Variants in PDZRN4 observed in about 807,000 individuals in gnomAD.
PDZRN4 encodes PDZ domain-containing RING finger protein 4.
A neutral mutation model predicts 99.0 loss-of-function variants in PDZRN4; 70 were observed. The observed-to-expected ratio is 0.71, with a 90% confidence interval of 0.58 to 0.86. PDZRN4 has a LOEUF of 0.86. Ranked by LOEUF, PDZRN4 falls within the 40% of genes least tolerant of loss-of-function variation. The pLI, the probability that PDZRN4 is intolerant of heterozygous loss-of-function variation, is 0.00. For synonymous variants in PDZRN4, 551 were observed against 501.6 expected (o/e 1.10, Z -1.32); for missense variants, 1,474 against 1,331.2 (o/e 1.11, Z -1.67).
At chr12:41,567,592 G>A (rs888534667) in intron 8 of PDZRN4, among the ~76,000 whole-genome samples, 191 bp from the exon 9 acceptor site, 53 of 145,140 alleles carry the variant, frequency 3.7e-4, no homozygotes, top group Admixed American at 5.9e-4. Flanking sequence ...AAGGATAAAA[G>A]GCATAAGAGT....
Position 41,506,531 on chromosome 12 carries a change from G to T in PDZRN4, c.919G>T (p.Val307Leu), listed in dbSNP as rs756042725. Reference sequence around the variant, plus strand: ...TTTTCGCAATGCCAAGGAGCCCATTGTGGTGCAGGTGTTAAGGCGAACACC... The same window carrying T: ...TTTTCGCAATGCCAAGGAGCCCATTTTGGTGCAGGTGTTAAGGCGAACACC... The part of the protein sequence containing the change: ...EAFRNAKEPI[V>L]VQVLRRTPLS... The change falls in exon 4 of 10, where the codon GTG becomes TTG. Residue 307 changes from valine to leucine, a missense_variant. By Grantham distance (32) the Val-to-Leu change is conservative. Transcript: ENST00000402685. The T allele has an allele frequency of 6.2e-7, 1 of 1,613,818 alleles. No individual in the cohort carries two copies. Among genetic ancestry groups the T allele is most frequent in the East Asian group, 2.2e-5 (1 of 44,834 alleles).
intron 3 of PDZRN4, among the ~76,000 whole-genome samples, chr12:41,427,550 A>G (rs545673951): frequency 6.6e-6 from 1 of 152,288 alleles, no homozygotes; most frequent in South Asian, 2.1e-4. Flanking sequence ...TCTAACAAGC[A>G]TCCGAATACA....
At chr12:41,203,603 T>G (rs1591966322) in intron 3 of PDZRN4, among the ~76,000 whole-genome samples, 1 of 152,142 alleles carries the variant, frequency 6.6e-6, no homozygotes, top group Middle Eastern at 3.4e-3. Flanking sequence ...TCTATGAGGT[T>G]GGTACTGTAG....
chr12:41,454,081 T>A (rs755270310), intron 3 of PDZRN4, among the ~76,000 whole-genome samples: 2 of 151,738 alleles, frequency 1.3e-5, no homozygotes, highest in African/African-American at 4.9e-5. Context: ...GCTCATTTTA[T>A]GCTCTGTGAT....
At chr12:41,196,107 T>A (rs1031408590) in intron 3 of PDZRN4, among the ~76,000 whole-genome samples, 1 of 152,118 alleles carries the variant, frequency 6.6e-6, no homozygotes, top group African/African-American at 2.4e-5. Context: ...CTACTGTTTT[T>A]TTTAAAGAGG....
intron 3 of PDZRN4, among the ~76,000 whole-genome samples, chr12:41,334,997 A>G (rs745897952): frequency 5.3e-5 from 8 of 152,120 alleles, no homozygotes; most frequent in Non-Finnish European, 7.4e-5. Flanking sequence ...TTATCCTAAC[A>G]TTTTAAAGTA....
chr12:41,475,859 T>G (rs905576199), intron 3 of PDZRN4, among the ~76,000 whole-genome samples: 2 of 152,268 alleles, frequency 1.3e-5, no homozygotes, highest in Non-Finnish European at 2.9e-5. Flanking sequence ...CTTTGTTTTC[T>G]TCTTTTGACC....
intron 3 of PDZRN4, among the ~76,000 whole-genome samples, chr12:41,268,014 G>T (rs181087197): frequency 2.6e-5 from 4 of 152,234 alleles, no homozygotes; most frequent in Admixed American, 2.0e-4. Context: ...GAACTACTCT[G>T]ATATCATTAA....
chr12:41,323,291 G>C (rs1049869616), intron 3 of PDZRN4, among the ~76,000 whole-genome samples: 1 of 152,034 alleles, frequency 6.6e-6, no homozygotes, highest in African/African-American at 2.4e-5. Context: ...ATTTGTATTG[G>C]AATGAAAGCT....
intron 3 of PDZRN4, among the ~76,000 whole-genome samples, chr12:41,447,038 G>C (rs1460269026): frequency 3.3e-5 from 5 of 152,058 alleles, no homozygotes; most frequent in Admixed American, 3.3e-4. Flanking sequence ...TGAGGATCTT[G>C]ATCTCCACAC....
chr12:41,552,585 C>A, intron 5 of PDZRN4, 71 bp from the exon 6 acceptor site: 3 of 1,150,718 alleles, frequency 2.6e-6, no homozygotes, highest in Non-Finnish European at 3.9e-6. Context: ...CAAAGAATAT[C>A]AGTGAGTTCT....
chr12:41,245,146 T>C (rs1473538376), intron 3 of PDZRN4, among the ~76,000 whole-genome samples: 1 of 152,134 alleles, frequency 6.6e-6, no homozygotes, highest in Non-Finnish European at 1.5e-5. Context: ...TTGTATTTCA[T>C]AGCATTCTCA....
chr12:41,536,590 G>T (rs903106903), intron 5 of PDZRN4, among the ~76,000 whole-genome samples: 15 of 152,044 alleles, frequency 9.9e-5, no homozygotes, highest in African/African-American at 3.1e-4. Flanking sequence ...GAGAGATGAT[G>T]ATGTGTTAAT....
At chr12:41,277,484 A>C (rs1951356612) in intron 3 of PDZRN4, among the ~76,000 whole-genome samples, 1 of 152,176 alleles carries the variant, frequency 6.6e-6, no homozygotes, top group Non-Finnish European at 1.5e-5. Flanking sequence ...AACTCAGTTT[A>C]TGCACCAGTG....
intron 3 of PDZRN4, among the ~76,000 whole-genome samples, chr12:41,444,419 T>G (rs900385851): frequency 2.2e-4 from 33 of 152,204 alleles, no homozygotes; most frequent in Admixed American, 8.5e-4. Context: ...CACAGTTCCC[T>G]CCTTCTGCCC....
intron 3 of PDZRN4, among the ~76,000 whole-genome samples, chr12:41,209,042 C>T (rs79991201): frequency 0.017 from 2,604 of 151,912 alleles, 39 homozygotes; most frequent in East Asian, 0.061. Context: ...TGTATGCATG[C>T]ATGTGTGTTT....
chr12:41,266,310 C>CAAAAAAAAAAA (rs777855203), intron 3 of PDZRN4, among the ~76,000 whole-genome samples: 1 of 11,686 alleles, frequency 8.6e-5, no homozygotes, highest in African/African-American at 4.9e-4. Context: ...GACTCCGTCT[C>CAAAAAAAAAAA]AAAAAAAAAA....
intron 3 of PDZRN4, among the ~76,000 whole-genome samples, chr12:41,251,736 C>A (rs1951171648): frequency 6.6e-6 from 1 of 152,148 alleles, no homozygotes; most frequent in Non-Finnish European, 1.5e-5. Flanking sequence ...GAGTCATTCA[C>A]ACTAGCCTTG....
chr12:41,490,204 C>T lies in PDZRN4; in HGVS notation c.844-16252C>T, dbSNP rs372108976. Among the ~76,000 whole-genome samples, 5 of 152,200 alleles carry T rather than the reference C, an allele frequency of 3.3e-5. No individual in the cohort carries two copies. The South Asian group carries it at 1.0e-3, about 32-fold the overall frequency. ...AATTGCAGATATCAAGACTAACTCC[C>T]CTCATCTTTGATGACTTCACATGTG... is the stretch of plus-strand genomic sequence containing the variant. On this transcript the variant is annotated intron_variant, in intron 3 of 9. Transcript: ENST00000402685.
Sources: allele counts gnomAD v4.1 joint callset (sites outside exome capture counted in the v4.1 genomes callset), GRCh38; gene constraint gnomAD v4.1.1; transcripts MANE v1.5; gene names NCBI Gene and HGNC (gene_info 2026-07-23, HGNC 2026-07-21).